The following HTR2C variants were observed in gnomAD, a reference collection of about 807,000 sequenced individuals.
HTR2C encodes the protein 5-hydroxytryptamine receptor 2C, also known as 5-hydroxytryptamine (serotonin) receptor 2C, G protein-coupled.
A neutral mutation model predicts 21.0 loss-of-function variants in HTR2C; 5 were observed. The ratio of observed to expected loss-of-function variants is 0.24; its 90% CI spans 0.12 to 0.50. The LOEUF is 0.50. HTR2C is among the 20% of genes least tolerant of loss of function. The pLI, the probability that HTR2C is intolerant of heterozygous loss-of-function variation, is 0.98. For synonymous variants in HTR2C, 150 were observed against 145.3 expected (o/e 1.03, Z -0.23); for missense variants, 271 against 371.2 (o/e 0.73, Z 2.22).
At chrX:114,854,861 A>C (rs1419356294) in intron 5 of HTR2C, among the ~76,000 whole-genome samples, 2 of 112,092 alleles carry the variant, frequency 1.8e-5, no homozygotes, top group Non-Finnish European at 3.8e-5. Flanking sequence ...TAAGGAACTC[A>C]AACAACTCAA....
chrX:114,781,748 G>A (rs1357197225), intron 4 of HTR2C, among the ~76,000 whole-genome samples: 4 of 105,121 alleles, frequency 3.8e-5, no homozygotes, highest in African/African-American at 7.0e-5. Flanking sequence ...TGATCCTCCC[G>A]CCTCAGCCTC....
chrX:114,770,221 A>G (rs2069986440), intron 4 of HTR2C, among the ~76,000 whole-genome samples: 1 of 111,851 alleles, frequency 8.9e-6, no homozygotes, highest in African/African-American at 3.2e-5. Flanking sequence ...ATTGGTGTTC[A>G]TTGAGCTTTT....
intron 4 of HTR2C, among the ~76,000 whole-genome samples, chrX:114,801,043 G>A (rs373569940): frequency 2.9e-4 from 32 of 111,121 alleles, no homozygotes; most frequent in Non-Finnish European, 3.8e-4. Flanking sequence ...GCATTTGGCC[G>A]TCTTTATTGG....
At chrX:114,626,171 T>C (rs947616095) in intron 2 of HTR2C, among the ~76,000 whole-genome samples, 2 of 106,876 alleles carry the variant, frequency 1.9e-5, no homozygotes. Flanking sequence ...CTTAGACATA[T>C]GGGACTGGCC....
At chrX:114,626,492 C>G (rs1367730955) in intron 2 of HTR2C, among the ~76,000 whole-genome samples, 1 of 111,885 alleles carries the variant, frequency 8.9e-6, no homozygotes, top group East Asian at 2.8e-4. Context: ...TAACAAACAT[C>G]CCTTGCCACC....
intron 2 of HTR2C, among the ~76,000 whole-genome samples, chrX:114,664,431 C>T (rs1931103725): frequency 8.9e-6 from 1 of 111,744 alleles, no homozygotes; most frequent in Non-Finnish European, 1.9e-5. Context: ...CATGTGTTCT[C>T]ATCTTTCAGC....
At chrX:114,605,991 G>T (rs959483360) in intron 1 of HTR2C, among the ~76,000 whole-genome samples, 15 of 107,142 alleles carry the variant, frequency 1.4e-4, no homozygotes, top group African/African-American at 5.1e-4. Context: ...TTGGGGTGCA[G>T]AAATAAGGGA....
chrX:114,841,229 A>G (rs1310717323), intron 4 of HTR2C, among the ~76,000 whole-genome samples: 1 of 112,106 alleles, frequency 8.9e-6, no homozygotes, highest in African/African-American at 3.2e-5. Context: ...GATAATTCTC[A>G]CTAACAACTC....
At chrX:114,890,368 A>T (rs2071250155) in intron 5 of HTR2C, among the ~76,000 whole-genome samples, 1 of 111,952 alleles carries the variant, frequency 8.9e-6, no homozygotes, top group Non-Finnish European at 1.9e-5. Flanking sequence ...TTTTTGCAGT[A>T]AATAGCATCT....
intron 5 of HTR2C, among the ~76,000 whole-genome samples, chrX:114,876,391 T>C (rs1602904556): frequency 9.7e-6 from 1 of 102,809 alleles, no homozygotes; most frequent in Admixed American, 1.1e-4. Flanking sequence ...GGATGCCGGT[T>C]ATTTCTTTCT....
intron 2 of HTR2C, among the ~76,000 whole-genome samples, chrX:114,684,109 T>G (rs1948203650): frequency 8.9e-6 from 1 of 111,860 alleles, no homozygotes; most frequent in Non-Finnish European, 1.9e-5. Context: ...TGAGAGCCCT[T>G]TGAGATAAAC....
At chrX:114,903,428 T>G (rs2071351089) in intron 5 of HTR2C, among the ~76,000 whole-genome samples, 1 of 112,487 alleles carries the variant, frequency 8.9e-6, no homozygotes, top group Non-Finnish European at 1.9e-5. Flanking sequence ...CATGGCTCAG[T>G]GCCTGGCACA....
At chrX:114,899,714 C>T (rs1556484857) in intron 5 of HTR2C, among the ~76,000 whole-genome samples, 4 of 110,741 alleles carry the variant, frequency 3.6e-5, no homozygotes, top group Non-Finnish European at 7.6e-5. Context: ...CCTGATCAGT[C>T]CCAAAGTGAG....
rs2070479129 is a variant in HTR2C at position 114,807,313 on chromosome X, A to ATATATATACCATGTATATACACCATG, written c.350-40687_350-40686insATATACCATGTATATACACCATGTAT. The stretch of plus-strand genomic sequence containing the variant: ...TATATATACCATGTATATACACCAT[A>ATATATATACCATGTATATACACCATG]TATCTATACCATATATATACACCAT... On this transcript the variant is annotated intron_variant, in intron 4 of 5. Transcript: ENST00000276198. 7.2e-5 allele frequency among the ~76,000 whole-genome samples: 5 copies of ATATATATACCATGTATATACACCATG among 69,907 alleles called. 2 individuals carry two copies. The highest frequency in any genetic ancestry group is 2.4e-4 in the African/African-American group (4 of 16,437). 60.7% of individuals were successfully genotyped at this position (69,907 alleles called of 115,157 possible).
chrX:114,678,943 CTTCCTCAAGAGT>C (rs1271850514), intron 2 of HTR2C, among the ~76,000 whole-genome samples: 8 of 111,482 alleles, frequency 7.2e-5, no homozygotes, highest in Non-Finnish European at 1.1e-4. Context: ...TCCTCCTGGG[CTTCCTCAAGAGT>C]TTCCTCAAGA....
intron 5 of HTR2C, among the ~76,000 whole-genome samples, chrX:114,880,322 G>C (rs1556479648): frequency 9.1e-6 from 1 of 110,123 alleles, no homozygotes; most frequent in Non-Finnish European, 1.9e-5. Flanking sequence ...TATCTGCCTT[G>C]TTTTAAATAC....
intron 4 of HTR2C, among the ~76,000 whole-genome samples, chrX:114,764,345 C>A (rs905619674): frequency 2.8e-5 from 3 of 106,591 alleles, no homozygotes; most frequent in African/African-American, 1.0e-4. Flanking sequence ...TTGCGATGAG[C>A]CGAGATCGCA....
chrX:114,764,921 TTCTTTTCCTTCCTTCCTTC>T (rs2069928177), intron 4 of HTR2C, among the ~76,000 whole-genome samples: 1 of 46,664 alleles, frequency 2.1e-5, no homozygotes, highest in Non-Finnish European at 4.2e-5. Flanking sequence ...CTTTCTTTCT[TTCTTTTCCTTCCTTCCTTC>T]CTTCCTTCCT....
At position 114,644,362 on chromosome X, in the gene HTR2C, AATATATATATATATATAT is replaced by A. The variant is rs782451317; in HGVS notation, c.-80+30510_-80+30527del. 2.6e-3 allele frequency among the ~76,000 whole-genome samples: 101 copies of A among 38,242 alleles called. 3 individuals are homozygous for A. Among genetic ancestry groups the A allele is most frequent in the African/African-American group, 4.3e-3 (33 of 7,754 alleles). The allele number at this position is 38,242 out of a possible 115,157, so 33.2% of individuals were successfully genotyped here. On this transcript the variant is annotated intron_variant, in intron 2 of 5. Transcript: ENST00000276198. ...TCCATCTAAAATAAATAAATAAATA[AATATATATATATATATAT>A]ATATATATATATATATATATATATA... is the stretch of plus-strand genomic sequence containing the variant.
Sources: allele counts gnomAD v4.1 joint callset (sites outside exome capture counted in the v4.1 genomes callset), GRCh38; gene constraint gnomAD v4.1.1; transcripts MANE v1.5; gene names NCBI Gene and HGNC (gene_info 2026-07-23, HGNC 2026-07-21).